GOLGA8A: variants seen among roughly 807,000 people sequenced by gnomAD.
GOLGA8A encodes golgin A8 family member A.
Under a neutral mutation model 22.1 loss-of-function variants are expected in GOLGA8A, and 3 were observed. The ratio of observed to expected loss-of-function variants is 0.14; its 90% CI spans 0.06 to 0.35. GOLGA8A has a LOEUF of 0.35. GOLGA8A is among the 10% of genes least tolerant of loss of function. The probability of loss-of-function intolerance (pLI) is 1.00; values close to 1 mark genes in which losing one functional copy is unlikely to be tolerated. For missense variants in GOLGA8A, 16 were observed against 233.2 expected, an observed-to-expected ratio of 0.07 and a Z score of 6.07; for synonymous variants, 7 against 91.7, an observed-to-expected ratio of 0.08 and a Z score of 5.28.
At chr15:34,418,130 T>TTAAAAAAAAAA (rs756695001) in intron 2 of GOLGA8A, 1 of 62,774 alleles carries the variant, frequency 1.6e-5, no homozygotes, top group Non-Finnish European at 3.2e-5. Flanking sequence ...GTAGATTCTT[T>TTAAAAAAAAAA]AAAAAAAAAA....
chr15:34,425,542 C>CT (rs1274735292), intron 2 of GOLGA8A, among the ~76,000 whole-genome samples: 1 of 145,142 alleles, frequency 6.9e-6, no homozygotes, highest in Non-Finnish European at 1.5e-5. Context: ...AACCCATTCT[C>CT]TAAGTAAGAT....
At chr15:34,431,345 A>ATCTCTCTCTCTC (rs1232402619) in intron 2 of GOLGA8A, among the ~76,000 whole-genome samples, 3 of 130,484 alleles carry the variant, frequency 2.3e-5, no homozygotes, top group African/African-American at 6.2e-5. Context: ...ATATATATAT[A>ATCTCTCTCTCTC]TCTCACACAC....
Position 34,381,154 on chromosome 15 carries a change from T to C in GOLGA8A, c.*257A>G, listed in dbSNP as rs1345770974. The C allele has an allele frequency of 5.3e-6, 3 of 569,726 alleles. No homozygotes were observed. Among genetic ancestry groups the C allele is most frequent in the African/African-American group, 1.9e-5 (1 of 53,546 alleles). The allele number at this position is 569,726 out of a possible 1,614,324, so 35.3% of individuals were successfully genotyped here. ...CCACCACGTAAGGGCAAACTCGATA[T>C]GCATGCTAATGACCTACAATTATGA... On this transcript the variant is annotated 3_prime_UTR_variant, in exon 25 of 25. Transcript: ENST00000359187.
rs1387041558 is a variant in GOLGA8A, at chr15:34,380,616, T to C, written c.*795A>G. On this transcript the variant is annotated 3_prime_UTR_variant, in exon 25 of 25. Transcript: ENST00000359187. Reference sequence around the variant, plus strand: ...CCCTTTTTAGGTCACTGAAAAAGAGTGCAACTGCTGCAGCTCACGATGCAA... The same window carrying C: ...CCCTTTTTAGGTCACTGAAAAAGAGCGCAACTGCTGCAGCTCACGATGCAA... The C allele has an allele frequency of 1.3e-5, 2 of 152,240 alleles. No homozygotes were observed. 9.4% of individuals were successfully genotyped at this position (152,240 alleles called of 1,614,324 possible).
chr15:34,409,073 C>A (rs1892301565), intron 2 of GOLGA8A, among the ~76,000 whole-genome samples: 1 of 136,910 alleles, frequency 7.3e-6, no homozygotes, highest in Non-Finnish European at 1.6e-5. Context: ...CCTCTCTCCC[C>A]CCTCCCACCT....
chr15:34,436,834 C>G (rs1893540389), intron 1 of GOLGA8A, among the ~76,000 whole-genome samples: 1 of 149,980 alleles, frequency 6.7e-6, no homozygotes, highest in African/African-American at 2.5e-5. Flanking sequence ...GCGCCTGCAG[C>G]CCAGGGGCAA....
intron 2 of GOLGA8A, among the ~76,000 whole-genome samples, chr15:34,431,614 CACA>C (rs1448740857): frequency 6.8e-6 from 1 of 147,056 alleles, no homozygotes; most frequent in African/African-American, 2.5e-5. Flanking sequence ...ATAGAAAAGG[CACA>C]ACGTTAAAAT....
At chr15:34,411,517 C>T (rs1458522520) in intron 2 of GOLGA8A, among the ~76,000 whole-genome samples, 11 of 93,364 alleles carry the variant, frequency 1.2e-4, no homozygotes, top group African/African-American at 5.5e-4. Flanking sequence ...ATTTTCAGCA[C>T]TTGTATCTTA....
chr15:34,421,816 G>A (rs1201819563), intron 2 of GOLGA8A, among the ~76,000 whole-genome samples: 4 of 136,370 alleles, frequency 2.9e-5, no homozygotes, highest in Non-Finnish European at 4.7e-5. Context: ...ACCAATTCCC[G>A]GGTGTCAGAC....
intron 2 of GOLGA8A, among the ~76,000 whole-genome samples, chr15:34,431,327 A>ATCTC (rs1186788441): frequency 3.0e-5 from 1 of 32,914 alleles, no homozygotes; most frequent in African/African-American, 9.5e-5. Context: ...ATATATATAT[A>ATCTC]TATATATATA....
chr15:34,380,046 A>C lies in GOLGA8A; in HGVS notation c.*1365T>G, dbSNP rs553995137. The stretch of plus-strand genomic sequence containing the variant: ...AGTGTGTAAACATTTTAAGTTGCAT[A>C]AACTTCTCCTTGATTTTCAAAGATA... On this transcript the variant is annotated 3_prime_UTR_variant, in exon 25 of 25. Transcript: ENST00000359187. 52 of 152,772 alleles carry C rather than the reference A, an allele frequency of 3.4e-4. 1 individual carries two copies. Among genetic ancestry groups the C allele is most frequent in the African/African-American group, 1.2e-3 (50 of 41,596 alleles). 9.5% of individuals were successfully genotyped at this position (152,772 alleles called of 1,614,324 possible).
At chr15:34,431,845 A>G (rs972871922) in intron 2 of GOLGA8A, among the ~76,000 whole-genome samples, 1 of 148,782 alleles carries the variant, frequency 6.7e-6, no homozygotes, top group Non-Finnish European at 1.5e-5. Flanking sequence ...CTTTACCACA[A>G]TGTCACTAGG....
At chr15:34,437,275 G>C (rs1469758501) in intron 1 of GOLGA8A, 123 bp downstream of exon 1, 1 of 145,354 alleles carries the variant, frequency 6.9e-6, no homozygotes, top group Non-Finnish European at 1.5e-5. Flanking sequence ...GGGGGGCAGC[G>C]CTCGGGAGCT....
chr15:34,436,972 C>T (rs1291915470), intron 1 of GOLGA8A, among the ~76,000 whole-genome samples: 1 of 149,552 alleles, frequency 6.7e-6, no homozygotes, highest in Non-Finnish European at 1.5e-5. Flanking sequence ...CAGTAGTTGC[C>T]GCCCGGCACG....
intron 2 of GOLGA8A, among the ~76,000 whole-genome samples, chr15:34,432,749 A>T (rs1471406735): frequency 1.3e-5 from 2 of 148,810 alleles, no homozygotes; most frequent in African/African-American, 5.0e-5. Flanking sequence ...TGATCCTTGA[A>T]ACACAAAACA....
chr15:34,423,615 T>G (rs543761494), intron 2 of GOLGA8A, among the ~76,000 whole-genome samples: 1 of 148,862 alleles, frequency 6.7e-6, no homozygotes, highest in African/African-American at 2.5e-5. Flanking sequence ...AGGTCAACGC[T>G]AGAACATAAA....
chr15:34,427,066 C>G (rs1223741241), intron 2 of GOLGA8A, among the ~76,000 whole-genome samples: 1 of 147,790 alleles, frequency 6.8e-6, no homozygotes, highest in Admixed American at 6.9e-5. Context: ...GGCACGGTGG[C>G]TCACGCCTGT....
intron 7 of GOLGA8A, among the ~76,000 whole-genome samples, 170 bp from the exon 8 acceptor site, chr15:34,398,899 A>G (rs867103488): frequency 0.15 from 18,637 of 122,632 alleles, 110 homozygotes; most frequent in Admixed American, 0.25. Context: ...CAAAAACAAC[A>G]AACGGATGTT....
intron 2 of GOLGA8A, among the ~76,000 whole-genome samples, chr15:34,431,291 T>TTATATATATA (rs1228048903): frequency 8.9e-6 from 1 of 112,132 alleles, no homozygotes; most frequent in Non-Finnish European, 1.8e-5. Flanking sequence ...TGAAAAAAAA[T>TTATATATATA]TATATATATA....
Sources: allele counts gnomAD v4.1 joint callset (sites outside exome capture counted in the v4.1 genomes callset), GRCh38; gene constraint gnomAD v4.1.1; transcripts MANE v1.5; gene names NCBI Gene and HGNC (gene_info 2026-07-23, HGNC 2026-07-21).